The following CNTNAP4 variants were observed in gnomAD, a reference collection of about 807,000 sequenced individuals.
CNTNAP4 encodes the protein contactin-associated protein-like 4.
CNTNAP4 carries 98 observed loss-of-function variants against 148.4 expected under a neutral mutation model. The ratio of observed to expected loss-of-function variants is 0.66; its 90% CI spans 0.56 to 0.78. CNTNAP4 has a LOEUF of 0.78. Ranked by LOEUF, CNTNAP4 falls within the 30% of genes least tolerant of loss-of-function variation. The pLI, the probability that CNTNAP4 is intolerant of heterozygous loss-of-function variation, is 0.00. For missense variants in CNTNAP4, 1,935 were observed against 1,565.6 expected, an observed-to-expected ratio of 1.24 and a Z score of -3.98; for synonymous variants, 730 against 565.1, an observed-to-expected ratio of 1.29 and a Z score of -4.14.
chr16:76,485,097 G>A (rs984981016), intron 12 of CNTNAP4, among the ~76,000 whole-genome samples: 30 of 152,100 alleles, frequency 2.0e-4, no homozygotes, highest in African/African-American at 5.8e-4. Flanking sequence ...GGGGCTGTCC[G>A]TATTGCTTTT....
intron 17 of CNTNAP4, among the ~76,000 whole-genome samples, chr16:76,527,800 C>A (rs1275795052): frequency 6.6e-6 from 1 of 152,010 alleles, no homozygotes; most frequent in Admixed American, 6.6e-5. Flanking sequence ...TTACAGTAAC[C>A]TTTTTACTAC....
chr16:76,336,667 G>T (rs191700922), intron 2 of CNTNAP4, among the ~76,000 whole-genome samples: 120 of 152,258 alleles, frequency 7.9e-4, no homozygotes, highest in African/African-American at 2.7e-3. Context: ...GCACATATAA[G>T]TTCTTTAGCA....
At chr16:76,355,123 CAATT>C (rs922294760) in intron 2 of CNTNAP4, among the ~76,000 whole-genome samples, 191 bp from the exon 3 acceptor site, 5 of 152,258 alleles carry the variant, frequency 3.3e-5, no homozygotes, top group Non-Finnish European at 5.9e-5. Flanking sequence ...GAAATGAATA[CAATT>C]AATTAACATA....
At chr16:76,290,484 C>T (rs1484917481) in intron 1 of CNTNAP4, among the ~76,000 whole-genome samples, 2 of 152,292 alleles carry the variant, frequency 1.3e-5, no homozygotes, top group Middle Eastern at 3.4e-3. Context: ...GGCAGGCACT[C>T]GCTCATGTAG....
In CNTNAP4 at chr16:76,348,648, G is replaced by A. The variant is rs186967173; in HGVS notation, c.197-6670G>A. ...TTGAGAATGATCACTAGTATCAAAC[G>A]CCACAGATTGTCCATGTGAACAGGA... On this transcript the variant is annotated intron_variant, in intron 2 of 23. Transcript: ENST00000611870. 9.9e-5 allele frequency among the ~76,000 whole-genome samples: 15 copies of A among 152,072 alleles called. No homozygotes were observed. In the South Asian group the frequency reaches 2.7e-3, roughly 27 times the overall value.
At chr16:76,291,350 C>T (rs1467466360) in intron 1 of CNTNAP4, among the ~76,000 whole-genome samples, 1 of 152,194 alleles carries the variant, frequency 6.6e-6, no homozygotes, top group Non-Finnish European at 1.5e-5. Context: ...TCTCATCCAT[C>T]AGCCACCACT....
intron 21 of CNTNAP4, among the ~76,000 whole-genome samples, chr16:76,548,295 C>CATTTTTTTTTTTTTTTTTTTTTTTTT (rs759580311): frequency 4.3e-5 from 4 of 92,908 alleles, no homozygotes; most frequent in African/African-American, 4.1e-5. Context: ...TTCACTGCAC[C>CATTTTTTTTTTTTTTTTTTTTTTTTT]TTTTTTTTTT....
At position 76,509,447 on chromosome 16, in the gene CNTNAP4, A is replaced by G. The variant is rs1366458015; in HGVS notation, c.2365+10753A>G. 2.0e-5 allele frequency among the ~76,000 whole-genome samples: 2 copies of G among 97,994 alleles called. 1 individual carries two copies. Among genetic ancestry groups the G allele is most frequent in the Admixed American group, 2.0e-4 (2 of 10,144 alleles). The allele number at this position is 97,994 out of a possible 152,430, so 64.3% of individuals were successfully genotyped here. ...AAAAGAGGTTGAGAAATGAATTTATAAAACTTTATTCATTAAAATTGAGAA... is the reference window on the plus strand; with the variant it reads ...AAAAGAGGTTGAGAAATGAATTTATGAAACTTTATTCATTAAAATTGAGAA... On this transcript the variant is annotated intron_variant, in intron 15 of 23. Transcript: ENST00000611870.
chr16:76,425,102 G>C (rs1025161738), intron 3 of CNTNAP4, among the ~76,000 whole-genome samples: 6 of 152,098 alleles, frequency 3.9e-5, no homozygotes, highest in African/African-American at 1.4e-4. Flanking sequence ...CAGGGGTCTG[G>C]TTATCAGAGT....
At chr16:76,324,674 A>G (rs1019672315) in intron 2 of CNTNAP4, among the ~76,000 whole-genome samples, 1 of 152,160 alleles carries the variant, frequency 6.6e-6, no homozygotes, top group East Asian at 1.9e-4. Flanking sequence ...GTTAGCTGCC[A>G]TGTCATACAA....
chr16:76,444,033 G>A (rs2080144886), intron 4 of CNTNAP4, among the ~76,000 whole-genome samples: 1 of 152,110 alleles, frequency 6.6e-6, no homozygotes, highest in African/African-American at 2.4e-5. Flanking sequence ...TATCAAAGAA[G>A]TATTTGATTC....
At chr16:76,491,114 C>T (rs1392023492) in intron 13 of CNTNAP4, among the ~76,000 whole-genome samples, 1 of 152,202 alleles carries the variant, frequency 6.6e-6, no homozygotes, top group African/African-American at 2.4e-5. Flanking sequence ...TCCCCTGTGA[C>T]TGACTGCCCC....
At chr16:76,323,568 T>C (rs1962653495) in intron 2 of CNTNAP4, among the ~76,000 whole-genome samples, 1 of 152,216 alleles carries the variant, frequency 6.6e-6, no homozygotes. Flanking sequence ...GAGATTAATA[T>C]AGAATCACTT....
intron 15 of CNTNAP4, among the ~76,000 whole-genome samples, chr16:76,513,371 A>C (rs2144023092): frequency 6.6e-6 from 1 of 152,216 alleles, no homozygotes; most frequent in South Asian, 2.1e-4. Flanking sequence ...GCATGAAGGA[A>C]ATATAGTGTG....
chr16:76,415,281 C>T (rs1330226352), intron 3 of CNTNAP4, among the ~76,000 whole-genome samples: 1 of 151,122 alleles, frequency 6.6e-6, no homozygotes, highest in Non-Finnish European at 1.5e-5. Context: ...TATTTTAAAA[C>T]ATATTTAATA....
intron 15 of CNTNAP4, among the ~76,000 whole-genome samples, chr16:76,515,248 A>T (rs932121990): frequency 6.6e-6 from 1 of 152,180 alleles, no homozygotes. Flanking sequence ...ACAGTTAAAA[A>T]CACAATTAAA....
intron 10 of CNTNAP4, among the ~76,000 whole-genome samples, chr16:76,468,087 G>A (rs1215555207): frequency 2.0e-5 from 3 of 152,174 alleles, no homozygotes; most frequent in African/African-American, 4.8e-5. Flanking sequence ...CAAGGTATAA[G>A]GATGATCAAA....
At chr16:76,416,255 A>T (rs894605099) in intron 3 of CNTNAP4, among the ~76,000 whole-genome samples, 1 of 151,178 alleles carries the variant, frequency 6.6e-6, no homozygotes, top group Non-Finnish European at 1.5e-5. Flanking sequence ...TCCTGTTTCC[A>T]ATTTTATTCT....
At chr16:76,490,233 T>G (rs2082165735) in intron 13 of CNTNAP4, among the ~76,000 whole-genome samples, 1 of 152,212 alleles carries the variant, frequency 6.6e-6, no homozygotes, top group Non-Finnish European at 1.5e-5. Flanking sequence ...TATTTTATCA[T>G]GGAAAACAGC....
Sources: allele counts gnomAD v4.1 joint callset (sites outside exome capture counted in the v4.1 genomes callset), GRCh38; gene constraint gnomAD v4.1.1; transcripts MANE v1.5; gene names NCBI Gene and HGNC (gene_info 2026-07-23, HGNC 2026-07-21).